Variants in KCNMA1 observed in about 807,000 individuals in gnomAD.
KCNMA1 encodes the protein Calcium-activated potassium channel subunit alpha-1.
KCNMA1 carries 29 observed loss-of-function variants against 140.0 expected under a neutral mutation model. The observed-to-expected ratio is 0.21, with a 90% CI of 0.15 to 0.28. The LOEUF is 0.28. Ranked by LOEUF, KCNMA1 falls within the 10% of genes least tolerant of loss-of-function variation. The pLI, the probability that KCNMA1 is intolerant of heterozygous loss-of-function variation, is 1.00. For synonymous variants in KCNMA1, 612 were observed against 611.9 expected, an observed-to-expected ratio of 1.00 and a Z score of 0.00; for missense variants, 880 against 1,602.2, an observed-to-expected ratio of 0.55 and a Z score of 7.70.
intron 1 of KCNMA1, among the ~76,000 whole-genome samples, chr10:77,563,533 C>T (rs1055176535): frequency 6.6e-6 from 1 of 152,126 alleles, no homozygotes; most frequent in African/African-American, 2.4e-5. Context: ...TCTTCTACCC[C>T]GTCCCTCCCA....
intron 2 of KCNMA1, among the ~76,000 whole-genome samples, chr10:77,356,586 G>T (rs1439693803): frequency 1.3e-5 from 2 of 152,186 alleles, no homozygotes; most frequent in African/African-American, 4.8e-5. Context: ...TACCTTGCAG[G>T]AAATCAAACA....
intron 1 of KCNMA1, among the ~76,000 whole-genome samples, chr10:77,461,972 CA>C (rs759983017): frequency 2.0e-5 from 3 of 152,044 alleles, no homozygotes; most frequent in Non-Finnish European, 4.4e-5. Flanking sequence ...AGGCACAGCC[CA>C]AAGTACCATG....
chr10:77,526,629 T>C (rs986602892), intron 1 of KCNMA1, among the ~76,000 whole-genome samples: 6 of 152,214 alleles, frequency 3.9e-5, no homozygotes, highest in African/African-American at 1.4e-4. Context: ...AGCACAGCCA[T>C]GAACTCAATT....
intron 3 of KCNMA1, among the ~76,000 whole-genome samples, chr10:77,212,076 C>T (rs555896758): frequency 2.0e-5 from 3 of 152,268 alleles, no homozygotes; most frequent in South Asian, 4.1e-4. Flanking sequence ...TACCATTCAA[C>T]CCAACAATCC....
intron 12 of KCNMA1, 148 bp downstream of exon 12, chr10:77,084,489 C>G: frequency 2.8e-6 from 2 of 712,868 alleles, no homozygotes; most frequent in Non-Finnish European, 5.0e-6. Flanking sequence ...AGCCTCGGCT[C>G]CCCCAGGCCT....
intron 2 of KCNMA1, among the ~76,000 whole-genome samples, chr10:77,382,157 C>G (rs2095411744): frequency 6.6e-6 from 1 of 152,074 alleles, no homozygotes; most frequent in African/African-American, 2.4e-5. Flanking sequence ...GGTAATTTCT[C>G]TGCACCACCG....
At chr10:76,924,841 G>T (rs1047225933) in intron 23 of KCNMA1, among the ~76,000 whole-genome samples, 2 of 152,188 alleles carry the variant, frequency 1.3e-5, no homozygotes, top group East Asian at 3.9e-4. Flanking sequence ...CACATGGGCA[G>T]TGAAGAGCCC....
intron 5 of KCNMA1, among the ~76,000 whole-genome samples, chr10:77,150,577 A>G (rs1417173625): frequency 6.6e-6 from 1 of 152,212 alleles, no homozygotes; most frequent in Non-Finnish European, 1.5e-5. Flanking sequence ...AAACTGAAAA[A>G]CAGCAAATAA....
chr10:77,063,997 A>G (rs2095848336), intron 14 of KCNMA1: 1 of 985,188 alleles, frequency 1.0e-6, no homozygotes, highest in Non-Finnish European at 1.2e-6. Context: ...GGATTTTCGC[A>G]TTAAGTCCTG....
chr10:77,532,226 G>A (rs1329794971), intron 1 of KCNMA1, among the ~76,000 whole-genome samples: 1 of 152,206 alleles, frequency 6.6e-6, no homozygotes, highest in Non-Finnish European at 1.5e-5. Flanking sequence ...CCCCCCGTGT[G>A]TCACGCAATA....
intron 14 of KCNMA1, among the ~76,000 whole-genome samples, chr10:77,061,430 AC>A (rs2095746369): frequency 1.3e-5 from 2 of 152,234 alleles, no homozygotes; most frequent in African/African-American, 4.8e-5. Flanking sequence ...GTAGGGAAAT[AC>A]ACGTGAAAAC....
chr10:77,063,143 G>A (rs1441136220), intron 14 of KCNMA1, among the ~76,000 whole-genome samples: 2 of 152,188 alleles, frequency 1.3e-5, no homozygotes, highest in Non-Finnish European at 2.9e-5. Flanking sequence ...GCCAGGCACG[G>A]TGGCTCATGC....
intron 19 of KCNMA1, chr10:76,979,933 A>G (rs964890922): frequency 6.6e-6 from 1 of 152,208 alleles, no homozygotes; most frequent in Admixed American, 6.6e-5. Flanking sequence ...ACCAGTGTGG[A>G]TTATGACTTT....
chr10:77,612,943 G>T (rs925732689), intron 1 of KCNMA1, among the ~76,000 whole-genome samples: 4 of 151,994 alleles, frequency 2.6e-5, no homozygotes, highest in African/African-American at 9.7e-5. Flanking sequence ...CTGAGCACAG[G>T]CATGCAATAG....
At chr10:77,001,640 C>T in intron 18 of KCNMA1, 60 bp from the exon 19 acceptor site, 2 of 1,379,392 alleles carry the variant, frequency 1.4e-6, no homozygotes, top group Admixed American at 2.0e-5. Context: ...CAAGGTCACA[C>T]ACAGCAAGGC....
At chr10:77,165,869 A>G (rs1000489023) in intron 5 of KCNMA1, among the ~76,000 whole-genome samples, 6 of 152,234 alleles carry the variant, frequency 3.9e-5, no homozygotes, top group Non-Finnish European at 8.8e-5. Context: ...CAGGCTTCAA[A>G]GAGGATTCTG....
intron 1 of KCNMA1, among the ~76,000 whole-genome samples, chr10:77,597,456 T>C (rs1203411039): frequency 2.0e-5 from 3 of 152,058 alleles, no homozygotes; most frequent in African/African-American, 7.2e-5. Context: ...ATTCCACACA[T>C]GTAACAAATA....
chr10:77,346,632 T>C (rs1482090198), intron 2 of KCNMA1, among the ~76,000 whole-genome samples: 4 of 152,176 alleles, frequency 2.6e-5, no homozygotes, highest in Admixed American at 6.5e-5. Flanking sequence ...TTGGAAAGTG[T>C]CTCTTCTGGT....
At chr10:77,163,442 T>C (rs778856560) in intron 5 of KCNMA1, among the ~76,000 whole-genome samples, 6 of 152,184 alleles carry the variant, frequency 3.9e-5, no homozygotes, top group Non-Finnish European at 5.9e-5. Context: ...CCTTATTCTA[T>C]AGAATGGAAC....
Sources: allele counts gnomAD v4.1 joint callset (sites outside exome capture counted in the v4.1 genomes callset), GRCh38; gene constraint gnomAD v4.1.1; transcripts MANE v1.5; gene names NCBI Gene and HGNC (gene_info 2026-07-23, HGNC 2026-07-21).